Variants in EED observed in about 807,000 individuals in gnomAD.
The protein encoded by EED is embryonic ectoderm development.
A neutral mutation model predicts 61.0 loss-of-function variants in EED; 9 were observed. The observed-to-expected ratio is 0.15, with a 90% confidence interval of 0.09 to 0.26. The LOEUF is 0.26. Among genes scored for constraint, EED ranks in the 10% least tolerant of loss-of-function variants. EED has a pLI of 1.00. For missense variants in EED, 315 were observed against 542.3 expected, an observed-to-expected ratio of 0.58 and a Z score of 4.16; for synonymous variants, 187 against 174.4, an observed-to-expected ratio of 1.07 and a Z score of -0.57.
intron 1 of EED, 100 bp downstream of exon 1, chr11:86,245,443 G>C (rs1408219651): frequency 2.0e-6 from 2 of 977,808 alleles, no homozygotes; most frequent in Non-Finnish European, 3.1e-6. Flanking sequence ...TGGGGGGAGG[G>C]AGAGGTGTCA....
At chr11:86,272,400 T>C (rs1047472312) in intron 9 of EED, among the ~76,000 whole-genome samples, 1 of 152,116 alleles carries the variant, frequency 6.6e-6, no homozygotes, top group South Asian at 2.1e-4. Context: ...TTTCTTAAGA[T>C]GGTAGCTTAG....
chr11:86,272,313 C>T (rs1946135570), intron 9 of EED, among the ~76,000 whole-genome samples: 1 of 151,750 alleles, frequency 6.6e-6, no homozygotes, highest in African/African-American at 2.4e-5. Flanking sequence ...CTGCTTCGGC[C>T]TCCCGACGTG....
chr11:86,277,494 T>C (rs1946259302), intron 10 of EED: 1 of 183,084 alleles, frequency 5.5e-6, no homozygotes, highest in African/African-American at 2.3e-5. Flanking sequence ...TAGAGAAAAA[T>C]CAGGATAGAA....
Position 86,257,450 on chromosome 11 carries a change from G to C in EED, c.553-65G>C, listed in dbSNP as rs982245953. 8.6e-5 allele frequency: 109 copies of C among 1,272,006 alleles called. 1 individual carries two copies. In the African/African-American group the frequency reaches 1.5e-3, roughly 17 times the overall value. 78.8% of individuals were successfully genotyped at this position (1,272,006 alleles called of 1,614,324 possible). A position where few individuals can be genotyped will look rare whatever the true frequency, so the allele number is the denominator to read the frequency against. The stretch of plus-strand genomic sequence containing the variant: ...TGAAACTATTTTTACATTCTCTAAA[G>C]ATTTATGAAAAAAAATTTACTGATT... On this transcript the variant is annotated intron_variant, in intron 5 of 11. Transcript: ENST00000263360.
intron 9 of EED, chr11:86,276,665 T>C (rs1398197343): frequency 5.5e-6 from 1 of 182,838 alleles, no homozygotes; most frequent in African/African-American, 2.3e-5. Flanking sequence ...TATAAAACAC[T>C]TAAAGTCTCT....
At chr11:86,264,866 T>C (rs899799048) in intron 7 of EED, 3 of 152,224 alleles carry the variant, frequency 2.0e-5, no homozygotes, top group African/African-American at 7.2e-5. Flanking sequence ...TTTAGCTCAT[T>C]TGATTCCTGT....
chr11:86,248,032 CT>C (rs1455758934), intron 1 of EED, among the ~76,000 whole-genome samples: 6 of 152,186 alleles, frequency 3.9e-5, no homozygotes, highest in African/African-American at 1.4e-4. Flanking sequence ...TGTCTTTTTG[CT>C]TAAGCAAAAG....
rs1031389523 is a variant in EED at position 86,245,166 on chromosome 11, C to T, written c.-64C>T. Reference sequence around the variant, plus strand: ...TTGCGGCAAGCTCGGGCCGGGCTTGCTTGACGGCGGTGTGGCGGAGGCCCC... The same window carrying T: ...TTGCGGCAAGCTCGGGCCGGGCTTGTTTGACGGCGGTGTGGCGGAGGCCCC... On this transcript the variant is annotated 5_prime_UTR_variant, in exon 1 of 12. Transcript: ENST00000263360. 9 of 1,406,194 alleles carry T rather than the reference C, an allele frequency of 6.4e-6. No individual in the cohort carries two copies. In the African/African-American group the frequency reaches 8.7e-5, roughly 14 times the overall value. 87.1% of individuals were successfully genotyped at this position (1,406,194 alleles called of 1,614,324 possible). A position where few individuals can be genotyped will look rare whatever the true frequency, so the allele number is the denominator to read the frequency against.
At chr11:86,261,300 A>T (rs1405250074) in intron 6 of EED, among the ~76,000 whole-genome samples, 1 of 152,236 alleles carries the variant, frequency 6.6e-6, no homozygotes. Context: ...ACTCAACAGA[A>T]CAAACAAGAT....
intron 5 of EED, 76 bp from the exon 6 acceptor site, chr11:86,257,439 C>T (rs550176037): frequency 2.0e-5 from 20 of 999,116 alleles, no homozygotes; most frequent in African/African-American, 1.6e-4. Flanking sequence ...ACTATTTTTA[C>T]ATTCTCTAAA....
At chr11:86,277,893 T>C in intron 10 of EED, 25 bp from the exon 11 acceptor site, 1 of 1,502,924 alleles carries the variant, frequency 6.7e-7, no homozygotes, top group South Asian at 1.4e-5. Context: ...ATTAATTTGA[T>C]GTTTTTAAAA....
intron 1 of EED, among the ~76,000 whole-genome samples, chr11:86,247,279 A>G (rs1005195116): frequency 6.6e-6 from 1 of 152,206 alleles, no homozygotes; most frequent in Admixed American, 6.5e-5. Flanking sequence ...GGAAGCCTTA[A>G]TCTTGTAGAG....
At chr11:86,271,730 A>G (rs1946115327) in intron 9 of EED, among the ~76,000 whole-genome samples, 1 of 152,038 alleles carries the variant, frequency 6.6e-6, no homozygotes, top group African/African-American at 2.4e-5. Context: ...TTTCTTCATC[A>G]GTTTATATGC....
chr11:86,249,999 T>G (rs902169751), intron 1 of EED, among the ~76,000 whole-genome samples: 1 of 152,242 alleles, frequency 6.6e-6, no homozygotes, highest in African/African-American at 2.4e-5. Flanking sequence ...AAAGATTCAC[T>G]GATACAGTGT....
At chr11:86,257,185 T>TTGTG (rs71040223) in intron 5 of EED, among the ~76,000 whole-genome samples, 1,582 of 143,440 alleles carry the variant, frequency 0.011, 27 homozygotes, top group African/African-American at 0.035. Flanking sequence ...AATTTTTAAT[T>TTGTG]TGTGTGTGTG....
At chr11:86,280,454 A>G (rs1361780257), downstream of EED, among the ~76,000 whole-genome samples, 1 of 152,130 alleles carries the variant, frequency 6.6e-6, no homozygotes, top group Non-Finnish European at 1.5e-5. Context: ...TTCCTAATGG[A>G]TGTTATCCAG....
chr11:86,278,872 T>G (rs535987076), downstream of EED: 3 of 199,194 alleles, frequency 1.5e-5, no homozygotes, highest in East Asian at 2.5e-4. Context: ...AGATTAAGTA[T>G]AGGCTCTAGA....
At chr11:86,286,432 A>G in the EED span, among the ~76,000 whole-genome samples, 9 of 152,302 alleles carry the variant, frequency 5.9e-5, no homozygotes, top group East Asian at 7.7e-4. Flanking sequence ...TATATCATCT[A>G]CTACAAAATA....
chr11:86,246,154 C>A (rs1945386797), intron 1 of EED, among the ~76,000 whole-genome samples: 1 of 152,144 alleles, frequency 6.6e-6, no homozygotes, highest in Non-Finnish European at 1.5e-5. Flanking sequence ...TCATTCGGTA[C>A]CAACATTTAA....
Sources: gnomAD v4.1 joint callset for allele counts (sites outside exome capture counted in the v4.1 genomes callset) on GRCh38, gnomAD v4.1.1 for gene constraint, MANE v1.5 for transcripts, NCBI Gene and HGNC (gene_info 2026-07-23, HGNC 2026-07-21) for gene names.